ELOVL1: variants seen among roughly 807,000 people sequenced by gnomAD.
ELOVL1 encodes the protein ELOVL fatty acid elongase 1.
A neutral mutation model predicts 37.8 loss-of-function variants in ELOVL1; 10 were observed. The ratio of observed to expected loss-of-function variants is 0.26; its 90% confidence interval spans 0.16 to 0.45. The LOEUF is 0.45. ELOVL1 is among the 20% of genes least tolerant of loss of function. The probability of loss-of-function intolerance (pLI) is 1.00; values close to 1 mark genes in which losing one functional copy is unlikely to be tolerated. For missense variants in ELOVL1, 256 were observed against 352.7 expected, an observed-to-expected ratio of 0.73 and a Z score of 2.20; for synonymous variants, 133 against 123.8, an observed-to-expected ratio of 1.07 and a Z score of -0.49.
chr1:43,364,971 C>A lies in ELOVL1; in HGVS notation c.275G>T (p.Arg92Leu), dbSNP rs556817698. The change falls in exon 4 of 8, where the codon CGC becomes CTC. Residue 92 changes from arginine to leucine, a missense_variant. Coordinates refer to ENST00000372458, the MANE Select transcript of ELOVL1 (RefSeq NM_022821.4). This position sits in a 1 kb window ranked among gnomAD's most constrained non-coding sequence, Gnocchi z 5.2. ...GTTGGAATAGTCCACAGGGTCACAG[C>A]GCCAGGTATAGGTGCTCAGCCAGCC... Reference protein sequence around the residue: ...MSGWLSTYTWRCDPVDYSNSP... With the variant: ...MSGWLSTYTWLCDPVDYSNSP... 5.0e-6 allele frequency: 8 copies of A among 1,613,880 alleles called. No homozygotes were observed. Among genetic ancestry groups the A allele is most frequent in the Non-Finnish European group, 6.8e-6 (8 of 1,179,910 alleles).
Position 43,364,811 on chromosome 1 carries a change from TA to T in ELOVL1, c.319-18del. ...CCGAACCATCTGCAAGAAGTTGGGA[TA>T]GCCTTAGGACCTCATACACTATTCT... On this transcript the variant is annotated intron_variant, in intron 4 of 7. Transcript: ENST00000372458. This position sits in a 1 kb window ranked among gnomAD's most constrained non-coding sequence, Gnocchi z 5.2. 2 of 1,614,176 alleles carry T rather than the reference TA, an allele frequency of 1.2e-6. No homozygotes were observed. Among genetic ancestry groups the T allele is most frequent in the Non-Finnish European group, 1.7e-6 (2 of 1,180,032 alleles).
At chr1:43,367,600 G>C (rs1647278628) in intron 1 of ELOVL1, 1 of 151,884 alleles carries the variant, frequency 6.6e-6, no homozygotes, top group Non-Finnish European at 1.5e-5. Context: ...CTTTAAGATG[G>C]ATGGAAGGGA....
chr1:43,366,354 C>CG (rs1386891976), intron 1 of ELOVL1: 1 of 154,704 alleles, frequency 6.5e-6, no homozygotes, highest in Non-Finnish European at 1.4e-5. Context: ...ACTCCTGCCC[C>CG]GGCGGCTCCA....
At position 43,364,535 on chromosome 1, in the gene ELOVL1, C is replaced by T. The variant is rs750531524; in HGVS notation, c.481+7G>A. 2.5e-6 allele frequency: 4 copies of T among 1,614,080 alleles called. No homozygotes were observed. The Admixed American group carries it at 6.7e-5, about 27-fold the overall frequency. ...CACCCTTTCCCATAGTGGCCTTCACCACTCACCCGGGGCAATCTTTACCCC... is the reference window on the plus strand; with the variant it reads ...CACCCTTTCCCATAGTGGCCTTCACTACTCACCCGGGGCAATCTTTACCCC... On this transcript the variant is annotated splice_region_variant and intron_variant, in intron 6 of 7. Transcript: ENST00000372458. This position sits in a 1 kb window ranked among gnomAD's most constrained non-coding sequence, Gnocchi z 5.2.
rs781354323 is a variant in ELOVL1, at chr1:43,365,345, C to A, written c.78G>T (p.Gly26=). The change falls in exon 3 of 8, where the codon GGG becomes GGT. Residue 26 remains glycine, a synonymous_variant. Transcript: ENST00000372458. The stretch of plus-strand genomic sequence containing the variant: ...GAATGGAGGTCATTAGCAAGGGGGA[C>A]CCCATCAGAGGGTAGCCCTGGATCC... ...DPRIQGYPLM[G]SPLLMTSILL... 2 of 1,613,194 alleles carry A rather than the reference C, an allele frequency of 1.2e-6. No individual in the cohort carries two copies. Among genetic ancestry groups the A allele is most frequent in the East Asian group, 2.2e-5 (1 of 44,862 alleles).
At chr1:43,365,493 A>C in intron 2 of ELOVL1, 71 bp downstream of exon 2, 1 of 1,612,984 alleles carries the variant, frequency 6.2e-7, no homozygotes, top group Non-Finnish European at 8.5e-7. Context: ...GGAACTCTCC[A>C]TTAGAAGACA....
rs367596149 is a variant in ELOVL1 at position 43,364,298 on chromosome 1, T to A, written c.618+26A>T. Reference sequence around the variant, plus strand: ...GGCTAGGAATGTGGGGGGATGGTTATAGGTAAGTCAGGCCAAGCCCCTCAC... The same window carrying A: ...GGCTAGGAATGTGGGGGGATGGTTAAAGGTAAGTCAGGCCAAGCCCCTCAC... On this transcript the variant is annotated intron_variant, in intron 7 of 7. Transcript: ENST00000372458. The surrounding 1 kb of genome is among the most constrained non-coding windows in gnomAD (Gnocchi z 5.2). 1 of 1,613,862 alleles carries A rather than the reference T, an allele frequency of 6.2e-7. No homozygotes were observed. Among genetic ancestry groups the A allele is most frequent in the South Asian group, 1.1e-5 (1 of 91,074 alleles).
chr1:43,364,524 GT>G lies in ELOVL1; in HGVS notation c.481+17del. Reference sequence around the variant, plus strand: ...CCTCTGGTGCCCACCCTTTCCCATAGTGGCCTTCACCACTCACCCGGGGCAA... The same window carrying G: ...CCTCTGGTGCCCACCCTTTCCCATAGGGCCTTCACCACTCACCCGGGGCAA... On this transcript the variant is annotated intron_variant, in intron 6 of 7. Transcript: ENST00000372458. The surrounding 1 kb of genome is among the most constrained non-coding windows in gnomAD (Gnocchi z 5.2). 1 of 1,614,070 alleles carries G rather than the reference GT, an allele frequency of 6.2e-7. No individual in the cohort carries two copies. The highest frequency in any genetic ancestry group is 8.5e-7 in the Non-Finnish European group (1 of 1,180,010).
chr1:43,366,009 C>G (rs1334225567), intron 1 of ELOVL1, among the ~76,000 whole-genome samples: 1 of 152,052 alleles, frequency 6.6e-6, no homozygotes, highest in Admixed American at 6.5e-5. Flanking sequence ...TCACCCGAGT[C>G]CCTCACCTCC....
In ELOVL1 at chr1:43,364,284, T is replaced by TG. The variant is rs1230638584; in HGVS notation, c.618+39dup. ...AAAGGCAGGATCCAGGCTAGGAATG[T>TG]GGGGGGATGGTTATAGGTAAGTCAG... On this transcript the variant is annotated intron_variant, in intron 7 of 7. Transcript: ENST00000372458. This position sits in a 1 kb window ranked among gnomAD's most constrained non-coding sequence, Gnocchi z 5.2. 2 of 1,613,270 alleles carry TG rather than the reference T, an allele frequency of 1.2e-6. No homozygotes were observed. The highest frequency in any genetic ancestry group is 2.7e-5 in the African/African-American group (2 of 74,782).
chr1:43,364,873 C>T lies in ELOVL1; in HGVS notation c.318+55G>A. 1.2e-6 allele frequency: 2 copies of T among 1,613,972 alleles called. No homozygotes were observed. The highest frequency in any genetic ancestry group is 3.3e-5 in the Admixed American group (2 of 60,006). ...CTAAACTGGGCCTTGAGCACAGGCCCCAAACTGGTCATATCTACCAGGTTG... is the reference window on the plus strand; with the variant it reads ...CTAAACTGGGCCTTGAGCACAGGCCTCAAACTGGTCATATCTACCAGGTTG... On this transcript the variant is annotated intron_variant, in intron 4 of 7. Coordinates refer to ENST00000372458, the MANE Select transcript of ELOVL1 (RefSeq NM_022821.4). This position sits in a 1 kb window ranked among gnomAD's most constrained non-coding sequence, Gnocchi z 5.2.
chr1:43,364,256 G>A lies in ELOVL1; in HGVS notation c.618+68C>T. 1 of 1,612,486 alleles carries A rather than the reference G, an allele frequency of 6.2e-7. No homozygotes were observed. Among genetic ancestry groups the A allele is most frequent in the Non-Finnish European group, 8.5e-7 (1 of 1,179,248 alleles). On this transcript the variant is annotated intron_variant, in intron 7 of 7. Transcript: ENST00000372458. This position sits in a 1 kb window ranked among gnomAD's most constrained non-coding sequence, Gnocchi z 5.2. ...ATGGGGTCAAAGGTGAGACAGACTG[G>A]ATAAAGGCAGGATCCAGGCTAGGAA...
chr1:43,365,602 G>A lies in ELOVL1; in HGVS notation c.8C>T (p.Ala3Val). The A allele has an allele frequency of 6.2e-7, 1 of 1,614,122 alleles. No individual in the cohort carries two copies. Among genetic ancestry groups the A allele is most frequent in the Non-Finnish European group, 8.5e-7 (1 of 1,179,998 alleles). Residue 3 changes from alanine (A) to valine (V), a missense_variant, in exon 2 of 8, where the codon GCT (alanine) becomes GTT (valine). Coordinates refer to ENST00000372458, the MANE Select transcript of ELOVL1 (RefSeq NM_022821.4). ...CACCTCTTGGTACAAGTTCACAACA[G>A]CCTCCATCCTGGCTAAGGACTCTGG... The part of the protein sequence containing the change: ME[A>V]VVNLYQEVMK...
rs746756197 is a variant in ELOVL1 at position 43,364,285 on chromosome 1, G to C, written c.618+39C>G. ...AAGGCAGGATCCAGGCTAGGAATGTGGGGGGATGGTTATAGGTAAGTCAGG... is the reference window on the plus strand; with the variant it reads ...AAGGCAGGATCCAGGCTAGGAATGTCGGGGGATGGTTATAGGTAAGTCAGG... On this transcript the variant is annotated intron_variant, in intron 7 of 7. Coordinates refer to ENST00000372458, the MANE Select transcript of ELOVL1 (RefSeq NM_022821.4). The surrounding 1 kb of genome is among the most constrained non-coding windows in gnomAD (Gnocchi z 5.2). The C allele has an allele frequency of 5.0e-6, 8 of 1,613,488 alleles. No homozygotes were observed. Among genetic ancestry groups the C allele is most frequent in the African/African-American group, 2.7e-5 (2 of 74,896 alleles).
rs1647185989 is a variant in ELOVL1 at position 43,363,639 on chromosome 1, C to T, written c.*277G>A. ...AGTGCTCCTCTCCCAAGTTTTAAGG[C>T]AGGGAGGGGGAAATAACTGTACAGC... is the stretch of plus-strand genomic sequence containing the variant. On this transcript the variant is annotated 3_prime_UTR_variant, in exon 8 of 8. Transcript: ENST00000372458. 3 of 478,380 alleles carry T rather than the reference C, an allele frequency of 6.3e-6. No individual in the cohort carries two copies. The highest frequency in any genetic ancestry group is 1.1e-5 in the Non-Finnish European group (3 of 263,824). 29.6% of individuals were successfully genotyped at this position (478,380 alleles called of 1,614,324 possible). A position where few individuals can be genotyped will look rare whatever the true frequency, so the allele number is the denominator to read the frequency against.
chr1:43,365,451 T>C (rs184488628), intron 2 of ELOVL1, 75 bp from the exon 3 acceptor site: 370 of 1,609,430 alleles, frequency 2.3e-4, no homozygotes, highest in African/African-American at 1.8e-3. Flanking sequence ...TCTACAGACA[T>C]GAGGTCAGGT....
Position 43,364,105 on chromosome 1 carries a change from G to T in ELOVL1, c.651C>A (p.Ser217=). Residue 217 remains serine, a synonymous_variant, in exon 8 of 8, where the codon TCC becomes TCA. Coordinates refer to ENST00000372458, the MANE Select transcript of ELOVL1 (RefSeq NM_022821.4). This position sits in a 1 kb window ranked among gnomAD's most constrained non-coding sequence, Gnocchi z 5.2. ...TACAGCTGGACATAAAGTAGTACTG[G>T]GAGATGTGCAGTGAGACCAGGACAA... is the stretch of plus-strand genomic sequence containing the variant. ...IQFVLVSLHI[S]QYYFMSSCNY... 2 of 1,614,174 alleles carry T rather than the reference G, an allele frequency of 1.2e-6. No homozygotes were observed. Among genetic ancestry groups the T allele is most frequent in the Non-Finnish European group, 8.5e-7 (1 of 1,180,036 alleles).
At chr1:43,365,110 A>C in intron 3 of ELOVL1, 76 bp downstream of exon 3, 2 of 1,602,762 alleles carry the variant, frequency 1.2e-6, no homozygotes, top group Non-Finnish European at 1.7e-6. Context: ...GGAAAGGAGA[A>C]ATGCCATGCT....
Position 43,364,498 on chromosome 1 carries a change from G to A in ELOVL1, c.482-38C>T, listed in dbSNP as rs1647198886. 1 of 1,614,056 alleles carries A rather than the reference G, an allele frequency of 6.2e-7. No individual in the cohort carries two copies. Among genetic ancestry groups the A allele is most frequent in the African/African-American group, 1.3e-5 (1 of 75,008 alleles). ...AATAAGACAGGGTCAGCAGAGTCCA[G>A]CCTCTGGTGCCCACCCTTTCCCATA... On this transcript the variant is annotated intron_variant, in intron 6 of 7. Transcript: ENST00000372458. This position sits in a 1 kb window ranked among gnomAD's most constrained non-coding sequence, Gnocchi z 5.2.
Sources: gnomAD v4.1 joint callset for allele counts (sites outside exome capture counted in the v4.1 genomes callset) on GRCh38, gnomAD v4.1.1 for gene constraint, Gnocchi (gnomAD v3.1) non-coding constraint, MANE v1.5 for transcripts, NCBI Gene and HGNC (gene_info 2026-07-23, HGNC 2026-07-21) for gene names.